Variants in GRID2 observed in about 807,000 individuals in gnomAD.
GRID2 encodes the protein glutamate ionotropic receptor delta type subunit 2, also known as glutamate receptor ionotropic, delta-2.
In GRID2, 33 loss-of-function variants were observed where a neutral mutation model predicts 114.8. That is an observed-to-expected ratio of 0.29 (90% CI 0.22 to 0.38). GRID2 has a LOEUF of 0.38. GRID2 is among the 10% of genes least tolerant of loss of function. The pLI is 1.00. For synonymous variants in GRID2, 505 were observed against 449.9 expected, an observed-to-expected ratio of 1.12 and a Z score of -1.55; for missense variants, 1,184 against 1,257.7, an observed-to-expected ratio of 0.94 and a Z score of 0.89.
At chr4:92,853,452 A>C (rs1473512776) in intron 2 of GRID2, among the ~76,000 whole-genome samples, 1 of 151,950 alleles carries the variant, frequency 6.6e-6, no homozygotes, top group Non-Finnish European at 1.5e-5. Flanking sequence ...TTAAATCCTC[A>C]CTGTCACTCC....
At chr4:93,251,756 C>A (rs1579431221) in intron 8 of GRID2, among the ~76,000 whole-genome samples, 1 of 152,256 alleles carries the variant, frequency 6.6e-6, no homozygotes, top group East Asian at 1.9e-4. Context: ...TAAATGAGAA[C>A]ATGCAGTATT....
At chr4:93,346,841 A>G (rs1760289267) in intron 8 of GRID2, among the ~76,000 whole-genome samples, 1 of 152,206 alleles carries the variant, frequency 6.6e-6, no homozygotes, top group South Asian at 2.1e-4. Context: ...TTAGAATATT[A>G]CAAACCTGTC....
intron 4 of GRID2, among the ~76,000 whole-genome samples, chr4:93,180,123 T>A (rs2149434338): frequency 6.6e-6 from 1 of 152,198 alleles, no homozygotes; most frequent in Non-Finnish European, 1.5e-5. Flanking sequence ...ATGCTATACT[T>A]GCCCCCACAG....
At chr4:93,737,124 G>T (rs1001795148) in intron 14 of GRID2, among the ~76,000 whole-genome samples, 2 of 152,028 alleles carry the variant, frequency 1.3e-5, no homozygotes, top group Non-Finnish European at 2.9e-5. Context: ...GTTGCTTGGA[G>T]AATTTACATA....
chr4:93,395,501 T>A, intron 8 of GRID2, 106 bp from the exon 9 acceptor site: 1 of 597,422 alleles, frequency 1.7e-6, no homozygotes, highest in South Asian at 2.4e-5. Context: ...ACTCTTTCCA[T>A]ACCAATTATT....
intron 1 of GRID2, among the ~76,000 whole-genome samples, chr4:93,796,298 G>T (rs370346802): frequency 7.8e-4 from 119 of 152,178 alleles, no homozygotes; most frequent in African/African-American, 2.8e-3. Flanking sequence ...TTCCCTACAC[G>T]CAAAGAAGGA....
chr4:92,779,358 T>C (rs1243918054), intron 2 of GRID2, among the ~76,000 whole-genome samples: 1 of 152,106 alleles, frequency 6.6e-6, no homozygotes, highest in Non-Finnish European at 1.5e-5. Flanking sequence ...ATAAAATCTT[T>C]ATGTAAATAA....
chr4:93,153,890 T>G (rs1427011226), intron 4 of GRID2, among the ~76,000 whole-genome samples: 1 of 152,100 alleles, frequency 6.6e-6, no homozygotes, highest in East Asian at 1.9e-4. Context: ...CTTAACAGAT[T>G]TTTAGATGTA....
chr4:92,752,198 CTTCAA>C (rs1294356277), intron 2 of GRID2, among the ~76,000 whole-genome samples: 2 of 152,152 alleles, frequency 1.3e-5, no homozygotes, highest in African/African-American at 4.8e-5. Context: ...ATTCATGAAA[CTTCAA>C]TTCAGTAGTG....
intron 7 of GRID2, among the ~76,000 whole-genome samples, chr4:93,230,275 A>T (rs528474340): frequency 3.3e-5 from 5 of 152,140 alleles, no homozygotes; most frequent in African/African-American, 1.2e-4. Context: ...TGACCTGATC[A>T]ACTTTCCAAA....
chr4:93,512,564 A>G (rs1428622753), intron 12 of GRID2, among the ~76,000 whole-genome samples: 1 of 152,146 alleles, frequency 6.6e-6, no homozygotes, highest in African/African-American at 2.4e-5. Context: ...AAAACCTGTA[A>G]TTTTTATTGC....
intron 3 of GRID2, among the ~76,000 whole-genome samples, chr4:93,110,207 T>G (rs547583609): frequency 1.3e-5 from 2 of 152,290 alleles, no homozygotes; most frequent in South Asian, 4.1e-4. Context: ...ATGCAGCTTT[T>G]ATTTGTGGTC....
At chr4:92,733,033 G>A (rs1218688240) in intron 2 of GRID2, among the ~76,000 whole-genome samples, 2 of 151,944 alleles carry the variant, frequency 1.3e-5, no homozygotes, top group African/African-American at 4.8e-5. Flanking sequence ...AAAGAGACTT[G>A]AAAGATTTGC....
chr4:93,005,232 A>G (rs532239113), intron 2 of GRID2, among the ~76,000 whole-genome samples: 1 of 152,224 alleles, frequency 6.6e-6, no homozygotes, highest in South Asian at 2.1e-4. Context: ...AATAGATAAC[A>G]TGGTCATTCA....
chr4:92,766,429 C>T (rs376794739), intron 2 of GRID2, among the ~76,000 whole-genome samples: 1 of 149,292 alleles, frequency 6.7e-6, no homozygotes, highest in Non-Finnish European at 1.5e-5. Context: ...CCCAGCTACT[C>T]GGGAGGCTGA....
At chr4:93,512,489 A>C (rs1405538497) in intron 12 of GRID2, among the ~76,000 whole-genome samples, 1 of 152,100 alleles carries the variant, frequency 6.6e-6, no homozygotes, top group Non-Finnish European at 1.5e-5. Context: ...ATTTTGCTTC[A>C]GTCGTTTTAT....
At chr4:93,477,317 C>T (rs75302544) in intron 11 of GRID2, among the ~76,000 whole-genome samples, 4,599 of 152,192 alleles carry the variant, frequency 0.03, 97 homozygotes, top group Middle Eastern at 0.15. Context: ...TCTGTTAAGA[C>T]TATCACAATG....
intron 9 of GRID2, among the ~76,000 whole-genome samples, chr4:93,412,240 C>CCAA (rs767241020): frequency 2.7e-5 from 4 of 145,518 alleles, no homozygotes; most frequent in Admixed American, 1.4e-4. Flanking sequence ...CCCCCCCCCC[C>CCAA]AAAAAAAAAT....
In GRID2 at chr4:92,480,320, T is replaced by C. The variant is rs187790321; in HGVS notation, c.89-109811T>C. Among the ~76,000 whole-genome samples, 725 of 152,284 alleles carry C rather than the reference T, an allele frequency of 4.8e-3. 2 individuals carry two copies. The highest frequency in any genetic ancestry group is 0.01 in the Middle Eastern group (3 of 292). On this transcript the variant is annotated intron_variant, in intron 1 of 15. Coordinates refer to ENST00000282020, the MANE Select transcript of GRID2 (RefSeq NM_001510.4). ...ATTAATCAAATTTTATTTTCATAAG[T>C]TTGCATGAGATTACTTAATAGTTTT... is the stretch of plus-strand genomic sequence containing the variant.
Sources: allele counts gnomAD v4.1 joint callset (sites outside exome capture counted in the v4.1 genomes callset), GRCh38; gene constraint gnomAD v4.1.1; transcripts MANE v1.5; gene names NCBI Gene and HGNC (gene_info 2026-07-23, HGNC 2026-07-21).